ROBO1: variants seen among roughly 807,000 people sequenced by gnomAD.
ROBO1 encodes the protein roundabout homolog 1.
In ROBO1, 149 loss-of-function variants were observed where a neutral mutation model predicts 195.9. That is an observed-to-expected ratio of 0.76 (90% CI 0.67 to 0.87). The LOEUF (loss-of-function observed/expected upper bound fraction) is 0.87, where lower values mean the gene tolerates loss of function less well. Ranked by LOEUF, ROBO1 falls within the 40% of genes least tolerant of loss-of-function variation. The pLI, the probability that ROBO1 is intolerant of heterozygous loss-of-function variation, is 0.00. For missense variants in ROBO1, 1,933 were observed against 2,068.3 expected (o/e 0.93, Z 1.27); for synonymous variants, 816 against 733.2 (o/e 1.11, Z -1.82).
chr3:79,387,829 G>GA (rs2036810572), intron 2 of ROBO1, among the ~76,000 whole-genome samples: 1 of 152,164 alleles, frequency 6.6e-6, no homozygotes, highest in Admixed American at 6.6e-5. Flanking sequence ...TGCAGGTGCA[G>GA]AAAAAATTAG....
At chr3:79,259,311 T>A (rs1270649675) in intron 2 of ROBO1, among the ~76,000 whole-genome samples, 1 of 152,052 alleles carries the variant, frequency 6.6e-6, no homozygotes, top group Non-Finnish European at 1.5e-5. Flanking sequence ...GTTTTTGTAA[T>A]TTTTATTTTG....
chr3:78,891,737 A>G (rs2036908929), intron 4 of ROBO1, among the ~76,000 whole-genome samples: 1 of 152,258 alleles, frequency 6.6e-6, no homozygotes, highest in Non-Finnish European at 1.5e-5. Context: ...ATATTCATAC[A>G]CATAGAATTC....
chr3:79,740,380 T>C (rs1187785883), intron 1 of ROBO1, among the ~76,000 whole-genome samples: 1 of 151,958 alleles, frequency 6.6e-6, no homozygotes, highest in African/African-American at 2.4e-5. Flanking sequence ...TAGTGTTCTT[T>C]ATTGTTAATT....
intron 2 of ROBO1, among the ~76,000 whole-genome samples, chr3:79,180,572 A>G (rs1225038507): frequency 6.6e-6 from 1 of 152,212 alleles, no homozygotes; most frequent in African/African-American, 2.4e-5. Context: ...CCACTGCTTA[A>G]TGACATTGAC....
At chr3:79,401,537 G>A (rs983058409) in intron 2 of ROBO1, among the ~76,000 whole-genome samples, 1 of 151,860 alleles carries the variant, frequency 6.6e-6, no homozygotes, top group Non-Finnish European at 1.5e-5. Context: ...TGATGAAGAG[G>A]AAGGGATAGG....
intron 2 of ROBO1, among the ~76,000 whole-genome samples, chr3:79,569,436 C>A (rs1943199237): frequency 6.6e-6 from 1 of 152,134 alleles, no homozygotes; most frequent in Non-Finnish European, 1.5e-5. Flanking sequence ...ATTGCTTTCT[C>A]AATAATCCAA....
intron 2 of ROBO1, among the ~76,000 whole-genome samples, chr3:79,159,781 G>A (rs1435525559): frequency 1.3e-5 from 2 of 152,134 alleles, no homozygotes; most frequent in African/African-American, 4.8e-5. Flanking sequence ...AGGGTTGGAT[G>A]CTTGATTTCG....
chr3:78,747,131 C>T (rs1334736825), intron 4 of ROBO1, among the ~76,000 whole-genome samples: 3 of 152,140 alleles, frequency 2.0e-5, no homozygotes, highest in Non-Finnish European at 2.9e-5. Flanking sequence ...CCAGCAGGCG[C>T]GTGTATTCCG....
At chr3:78,747,312 A>C (rs1055455739) in intron 4 of ROBO1, among the ~76,000 whole-genome samples, 1 of 152,170 alleles carries the variant, frequency 6.6e-6, no homozygotes, top group Non-Finnish European at 1.5e-5. Context: ...TTACATATAC[A>C]TGCAAAGCTA....
At chr3:78,756,626 TTCTC>T (rs1448819866) in intron 4 of ROBO1, among the ~76,000 whole-genome samples, 2 of 152,178 alleles carry the variant, frequency 1.3e-5, no homozygotes, top group Admixed American at 1.3e-4. Flanking sequence ...TTCAGAATTT[TTCTC>T]TCTCCTTTGT....
chr3:79,048,886 T>C (rs578097821), intron 3 of ROBO1, among the ~76,000 whole-genome samples: 1 of 152,066 alleles, frequency 6.6e-6, no homozygotes, highest in East Asian at 1.9e-4. Context: ...CAAAACCCCA[T>C]CTGTAGGTCA....
rs920727827 is a variant in ROBO1 at position 78,598,250 on chromosome 3, T to A, written c.*663A>T. The A allele has an allele frequency of 1.3e-5, 2 of 152,298 alleles. No individual in the cohort carries two copies. The highest frequency in any genetic ancestry group is 4.8e-5 in the African/African-American group (2 of 41,446). 9.4% of individuals were successfully genotyped at this position (152,298 alleles called of 1,614,324 possible). On this transcript the variant is annotated 3_prime_UTR_variant, in exon 31 of 31. Coordinates refer to ENST00000464233, the MANE Select transcript of ROBO1 (RefSeq NM_002941.4). ...TAGCCCTACTTATCCAAAAGTACAT[T>A]TCCAATAAGAATATACTTCAATGAT... is the stretch of plus-strand genomic sequence containing the variant.
At chr3:79,408,757 GACTT>G (rs1382094364) in intron 2 of ROBO1, among the ~76,000 whole-genome samples, 3 of 151,966 alleles carry the variant, frequency 2.0e-5, no homozygotes, top group Non-Finnish European at 2.9e-5. Flanking sequence ...GGGTCTACTA[GACTT>G]ACTTATTTTT....
At chr3:79,323,619 T>C (rs2034081933) in intron 2 of ROBO1, among the ~76,000 whole-genome samples, 1 of 152,220 alleles carries the variant, frequency 6.6e-6, no homozygotes, top group South Asian at 2.1e-4. Flanking sequence ...GTATCATACA[T>C]AAGATTGAAG....
At chr3:79,242,366 T>G (rs2082535616) in intron 2 of ROBO1, among the ~76,000 whole-genome samples, 1 of 152,144 alleles carries the variant, frequency 6.6e-6, no homozygotes, top group South Asian at 2.1e-4. Context: ...AAAAAATCTA[T>G]TAAGGGCCTG....
chr3:78,756,605 A>C (rs948685088), intron 4 of ROBO1, among the ~76,000 whole-genome samples: 1 of 152,132 alleles, frequency 6.6e-6, no homozygotes, highest in Non-Finnish European at 1.5e-5. Flanking sequence ...CTCTGCTTTC[A>C]GGGCACTTAT....
At chr3:78,898,624 C>T (rs935118794) in intron 4 of ROBO1, among the ~76,000 whole-genome samples, 2 of 151,544 alleles carry the variant, frequency 1.3e-5, no homozygotes, top group African/African-American at 2.4e-5. Context: ...CTCCTGACCT[C>T]GTGATCTGCC....
At chr3:79,482,934 C>A (rs1247652487) in intron 2 of ROBO1, among the ~76,000 whole-genome samples, 1 of 152,134 alleles carries the variant, frequency 6.6e-6, no homozygotes, top group Admixed American at 6.6e-5. Flanking sequence ...GCTATGCCAT[C>A]AGCTGCCCAG....
At chr3:78,986,991 A>G (rs994861834) in intron 3 of ROBO1, among the ~76,000 whole-genome samples, 11 of 152,282 alleles carry the variant, frequency 7.2e-5, no homozygotes, top group African/African-American at 2.6e-4. Context: ...TTTCTTAAAC[A>G]GTGCCTATTT....
Sources: allele counts gnomAD v4.1 joint callset (sites outside exome capture counted in the v4.1 genomes callset), GRCh38; gene constraint gnomAD v4.1.1; transcripts MANE v1.5; gene names NCBI Gene and HGNC (gene_info 2026-07-23, HGNC 2026-07-21).